ABCC4: variants seen among roughly 807,000 people sequenced by gnomAD.
ABCC4 encodes the protein ATP-binding cassette sub-family C member 4.
A neutral mutation model predicts 168.5 loss-of-function variants in ABCC4; 102 were observed. The ratio of observed to expected loss-of-function variants is 0.61; its 90% CI spans 0.52 to 0.71. The LOEUF (loss-of-function observed/expected upper bound fraction) is 0.71, where lower values mean the gene tolerates loss of function less well. ABCC4 is among the 30% of genes least tolerant of loss of function. The probability of loss-of-function intolerance (pLI) is 0.00; values close to 1 mark genes in which losing one functional copy is unlikely to be tolerated. For synonymous variants in ABCC4, 617 were observed against 590.7 expected (o/e 1.04, Z -0.65); for missense variants, 1,402 against 1,605.8 (o/e 0.87, Z 2.17).
At chr13:95,040,100 C>T (rs1240961000) in intron 29 of ABCC4, among the ~76,000 whole-genome samples, 1 of 152,196 alleles carries the variant, frequency 6.6e-6, no homozygotes, top group Non-Finnish European at 1.5e-5. Flanking sequence ...GCAAAGATTA[C>T]TTAAAATCCT....
At chr13:95,270,340 GAAAAAAAA>G (rs10583122) in intron 1 of ABCC4, among the ~76,000 whole-genome samples, 2 of 130,588 alleles carry the variant, frequency 1.5e-5, no homozygotes, top group Non-Finnish European at 3.3e-5. Context: ...ACCAGGCTGT[GAAAAAAAA>G]AAAAAAAAAG....
intron 3 of ABCC4, among the ~76,000 whole-genome samples, chr13:95,238,821 G>T (rs1374004442): frequency 2.0e-5 from 3 of 152,216 alleles, no homozygotes; most frequent in Non-Finnish European, 4.4e-5. Context: ...CTCCCAAAGT[G>T]CTGGGATTAC....
chr13:95,121,282 G>C (rs1594130364), intron 19 of ABCC4, among the ~76,000 whole-genome samples: 1 of 152,162 alleles, frequency 6.6e-6, no homozygotes, highest in Non-Finnish European at 1.5e-5. Context: ...GGATCAAAGA[G>C]ATCATGATTA....
chr13:95,064,783 A>G (rs1300870261), intron 25 of ABCC4, among the ~76,000 whole-genome samples: 1 of 152,122 alleles, frequency 6.6e-6, no homozygotes, highest in Non-Finnish European at 1.5e-5. Context: ...AATCAGCAAA[A>G]GGCAACCAAA....
At chr13:95,240,098 A>T (rs1379909915) in intron 3 of ABCC4, among the ~76,000 whole-genome samples, 1 of 152,110 alleles carries the variant, frequency 6.6e-6, no homozygotes, top group Non-Finnish European at 1.5e-5. Flanking sequence ...TTCTAGATCT[A>T]ACTACTAACT....
chr13:95,298,399 G>T (rs962412950), intron 1 of ABCC4, among the ~76,000 whole-genome samples: 1 of 151,982 alleles, frequency 6.6e-6, no homozygotes, highest in Non-Finnish European at 1.5e-5. Flanking sequence ...AGCAGTAAGC[G>T]CCTCAAATCA....
chr13:95,049,447 C>T (rs2032733356), intron 27 of ABCC4, among the ~76,000 whole-genome samples: 1 of 151,906 alleles, frequency 6.6e-6, no homozygotes, highest in African/African-American at 2.4e-5. Flanking sequence ...TGAGACCAGC[C>T]TGGCCAACAT....
At chr13:95,083,047 CAG>C (rs2034147008) in intron 21 of ABCC4, 91 bp downstream of exon 21, 47 of 1,397,088 alleles carry the variant, frequency 3.4e-5, no homozygotes, top group South Asian at 1.4e-4. Flanking sequence ...TTCTGGAAGA[CAG>C]AGTCTGCCGA....
intron 20 of ABCC4, among the ~76,000 whole-genome samples, chr13:95,115,423 T>C (rs1329392041): frequency 2.6e-5 from 4 of 151,810 alleles, no homozygotes; most frequent in Non-Finnish European, 5.9e-5. Context: ...CTGCTCTCTA[T>C]TGTCCTTGTT....
intron 1 of ABCC4, among the ~76,000 whole-genome samples, chr13:95,284,559 G>A (rs1451822064): frequency 6.6e-6 from 1 of 152,158 alleles, no homozygotes; most frequent in Non-Finnish European, 1.5e-5. Context: ...CTGCCCACAG[G>A]GAACTGACAG....
chr13:95,151,917 T>C (rs114676093), intron 19 of ABCC4, among the ~76,000 whole-genome samples: 4,236 of 152,282 alleles, frequency 0.028, 170 homozygotes, highest in African/African-American at 0.092. Flanking sequence ...CAAGAACAGA[T>C]TTTCAATGTC....
At position 95,138,642 on chromosome 13, in the gene ABCC4, C is replaced by A. The variant is rs921070707; in HGVS notation, c.2455+22547G>T. 3.9e-5 allele frequency among the ~76,000 whole-genome samples: 6 copies of A among 151,974 alleles called. No homozygotes were observed. The South Asian group carries it at 1.2e-3, about 32-fold the overall frequency. On this transcript the variant is annotated intron_variant, in intron 19 of 30. Transcript: ENST00000645237. Reference sequence around the variant, plus strand: ...AGTTCAAGACCAGCCTGGGAAAAATCGTGAGATCCTGATTCTAAAAAAAAA... The same window carrying A: ...AGTTCAAGACCAGCCTGGGAAAAATAGTGAGATCCTGATTCTAAAAAAAAA...
intron 29 of ABCC4, among the ~76,000 whole-genome samples, chr13:95,040,845 T>C (rs957898169): frequency 5.9e-5 from 9 of 152,210 alleles, no homozygotes; most frequent in Admixed American, 4.6e-4. Context: ...ACCCATAAGA[T>C]TGCCTACAAA....
intron 25 of ABCC4, among the ~76,000 whole-genome samples, chr13:95,068,910 G>C (rs2033636665): frequency 6.6e-6 from 1 of 152,224 alleles, no homozygotes; most frequent in Admixed American, 6.5e-5. Context: ...ATCAGGAACA[G>C]AATCTGAGAA....
chr13:95,297,124 A>T (rs1281187741), intron 1 of ABCC4, among the ~76,000 whole-genome samples: 3 of 152,016 alleles, frequency 2.0e-5, no homozygotes, highest in Non-Finnish European at 4.4e-5. Context: ...CATGAAAATT[A>T]GCCAGGTATG....
intron 19 of ABCC4, among the ~76,000 whole-genome samples, chr13:95,147,025 TAA>T (rs2036521544): frequency 6.6e-6 from 1 of 152,210 alleles, no homozygotes; most frequent in Non-Finnish European, 1.5e-5. Context: ...AAATTATTTC[TAA>T]AAGAGTTGCA....
At chr13:95,044,987 T>A (rs2139244807) in intron 27 of ABCC4, among the ~76,000 whole-genome samples, 1 of 152,258 alleles carries the variant, frequency 6.6e-6, no homozygotes, top group South Asian at 2.1e-4. Flanking sequence ...AATCACTGAA[T>A]CACTTCTAAG....
intron 19 of ABCC4, among the ~76,000 whole-genome samples, chr13:95,122,767 G>A (rs532349954): frequency 1.4e-3 from 220 of 152,208 alleles, no homozygotes; most frequent in Non-Finnish European, 2.0e-3. Flanking sequence ...CCACTAATGC[G>A]AGTGCCTTTA....
intron 1 of ABCC4, among the ~76,000 whole-genome samples, chr13:95,275,356 A>G (rs2040946968): frequency 6.6e-6 from 1 of 152,206 alleles, no homozygotes; most frequent in Non-Finnish European, 1.5e-5. Context: ...GCAAGGAGTT[A>G]AATAAATAAG....
Sources: gnomAD v4.1 joint callset for allele counts (sites outside exome capture counted in the v4.1 genomes callset) on GRCh38, gnomAD v4.1.1 for gene constraint, MANE v1.5 for transcripts, NCBI Gene and HGNC (gene_info 2026-07-23, HGNC 2026-07-21) for gene names.